ARMH3: variants seen among roughly 807,000 people sequenced by gnomAD.
ARMH3 encodes armadillo-like helical domain-containing protein 3.
ARMH3 carries 60 observed loss-of-function variants against 99.1 expected under a neutral mutation model. The ratio of observed to expected loss-of-function variants is 0.61; its 90% confidence interval spans 0.49 to 0.75. ARMH3 has a LOEUF of 0.75. ARMH3 is among the 30% of genes least tolerant of loss of function. The pLI, the probability that ARMH3 is intolerant of heterozygous loss-of-function variation, is 0.00. For synonymous variants in ARMH3, 285 were observed against 292.8 expected (o/e 0.97, Z 0.27); for missense variants, 679 against 843.1 (o/e 0.81, Z 2.41).
At chr10:101,989,310 G>A (rs1321885914) in intron 19 of ARMH3, among the ~76,000 whole-genome samples, 1 of 152,140 alleles carries the variant, frequency 6.6e-6, no homozygotes, top group Non-Finnish European at 1.5e-5. Flanking sequence ...TGAGGTGGGA[G>A]GACTGCTTGA....
intron 19 of ARMH3, among the ~76,000 whole-genome samples, chr10:101,984,320 T>G (rs1846362662): frequency 6.6e-6 from 1 of 152,250 alleles, no homozygotes; most frequent in South Asian, 2.1e-4. Context: ...CACTTAATGA[T>G]GCCCTTGTTT....
chr10:102,019,101 T>G (rs1483067802), intron 8 of ARMH3, among the ~76,000 whole-genome samples: 1 of 152,054 alleles, frequency 6.6e-6, no homozygotes. Flanking sequence ...CAGGCTGGAG[T>G]GTAGTGGTGC....
At chr10:101,934,477 C>A (rs1343963438) in intron 23 of ARMH3, among the ~76,000 whole-genome samples, 1 of 152,194 alleles carries the variant, frequency 6.6e-6, no homozygotes, top group South Asian at 2.1e-4. Context: ...ATAACAATAT[C>A]TGAAAAGTCA....
intron 1 of ARMH3, among the ~76,000 whole-genome samples, chr10:102,053,449 C>G (rs1386742752): frequency 6.6e-6 from 1 of 151,932 alleles, no homozygotes; most frequent in East Asian, 1.9e-4. Context: ...TGAGCCAGCT[C>G]GTCTCAAACT....
intron 24 of ARMH3, among the ~76,000 whole-genome samples, chr10:101,859,326 G>A (rs902589777): frequency 2.0e-5 from 3 of 152,212 alleles, no homozygotes; most frequent in African/African-American, 4.8e-5. Context: ...CTACACAAGT[G>A]TAGCAGGGCC....
intron 24 of ARMH3, among the ~76,000 whole-genome samples, chr10:101,883,546 T>G (rs1355721957): frequency 1.3e-5 from 2 of 152,144 alleles, no homozygotes; most frequent in African/African-American, 4.8e-5. Flanking sequence ...GTAGTAGCAT[T>G]GCCTCATCAA....
chr10:101,866,692 G>T (rs1433527554), intron 24 of ARMH3, among the ~76,000 whole-genome samples: 3 of 152,148 alleles, frequency 2.0e-5, no homozygotes, highest in Non-Finnish European at 4.4e-5. Context: ...GTCATTATAT[G>T]ACAACTTAAA....
At chr10:102,003,146 G>A (rs996525901) in intron 14 of ARMH3, among the ~76,000 whole-genome samples, 3 of 151,752 alleles carry the variant, frequency 2.0e-5, no homozygotes, top group African/African-American at 4.8e-5. Flanking sequence ...TAATGACCAG[G>A]GCTGACCACA....
chr10:101,927,966 C>G (rs1843574017), intron 23 of ARMH3, among the ~76,000 whole-genome samples: 1 of 152,088 alleles, frequency 6.6e-6, no homozygotes, highest in Admixed American at 6.5e-5. Context: ...CTCAGCTACT[C>G]AGGAGGCTGA....
chr10:101,977,016 T>C (rs1846043145), intron 19 of ARMH3, among the ~76,000 whole-genome samples: 1 of 152,164 alleles, frequency 6.6e-6, no homozygotes, highest in South Asian at 2.1e-4. Flanking sequence ...AACTGTAAAA[T>C]TTAAATTCTA....
intron 1 of ARMH3, among the ~76,000 whole-genome samples, chr10:102,047,603 C>T (rs2067588164): frequency 6.6e-6 from 1 of 151,968 alleles, no homozygotes; most frequent in Admixed American, 6.6e-5. Flanking sequence ...CCTTCCACCT[C>T]AGCCTCCCAA....
intron 8 of ARMH3, among the ~76,000 whole-genome samples, chr10:102,021,838 G>A (rs982357307): frequency 3.3e-5 from 5 of 152,002 alleles, no homozygotes; most frequent in African/African-American, 7.3e-5. Context: ...AAGCCATCGC[G>A]CCCGGCCAAC....
Position 102,002,005 on chromosome 10 carries a change from T to C in ARMH3, c.1116A>G (p.Leu372=), listed in dbSNP as rs531517240. 26 of 1,614,186 alleles carry C rather than the reference T, an allele frequency of 1.6e-5. No homozygotes were observed. In the East Asian group the frequency reaches 3.3e-4, roughly 21 times the overall value. The change falls in exon 15 of 26, where the codon TTA becomes TTG. Residue 372 remains leucine, a synonymous_variant. Coordinates refer to ENST00000370033, the MANE Select transcript of ARMH3 (RefSeq NM_024541.3). ...VQTSNLLITF[L]KYSSIVMQDT... is the part of the protein sequence containing the mutation. ...CCTGCATGACAATTGAGCTATACTT[T>C]AAAAAGGTTATCAGTAGATTACTGG...
intron 20 of ARMH3, among the ~76,000 whole-genome samples, chr10:101,964,216 G>A (rs1471603712): frequency 6.6e-6 from 1 of 152,012 alleles, no homozygotes; most frequent in Non-Finnish European, 1.5e-5. Flanking sequence ...CGCCACGTTG[G>A]CCAGGCTGGT....
rs1032050796 is a variant in ARMH3, at chr10:102,040,227, A to C, written c.-11-102T>G. 5 of 937,346 alleles carry C rather than the reference A, an allele frequency of 5.3e-6. No individual in the cohort carries two copies. In the African/African-American group the frequency reaches 6.5e-5, roughly 12 times the overall value. The allele number at this position is 937,346 out of a possible 1,614,324, so 58.1% of individuals were successfully genotyped here. On this transcript the variant is annotated intron_variant, in intron 1 of 25. Coordinates refer to ENST00000370033, the MANE Select transcript of ARMH3 (RefSeq NM_024541.3). ...TTTGTCCAAGCCCATAGAATATACA[A>C]CACCAAGAGTGAATCCTAATGTAAA... is the stretch of plus-strand genomic sequence containing the variant.
Position 101,957,710 on chromosome 10 carries a change from G to C in ARMH3, c.1518C>G (p.Phe506Leu). The C allele has an allele frequency of 1.9e-6, 3 of 1,580,746 alleles. No homozygotes were observed. Among genetic ancestry groups the C allele is most frequent in the Non-Finnish European group, 2.6e-6 (3 of 1,169,468 alleles). Residue 506 changes from phenylalanine to leucine, a missense_variant, in exon 21 of 26, where the codon TTC becomes TTG. Around this residue, in one of 3 missense-constraint regions of ARMH3, gnomAD observed 389 missense variants for 456.5 expected, o/e 0.85. Coordinates refer to ENST00000370033, the MANE Select transcript of ARMH3 (RefSeq NM_024541.3). The part of the protein sequence containing the change: ...LWSALINLLK[F>L]LMSNETVLLA... ...AAAGTACAGTCTCATTTGACATAAG[G>C]AACTTCAGCAAATTTATCAAGGCTT...
chr10:101,982,403 T>C (rs1846276685), intron 19 of ARMH3, among the ~76,000 whole-genome samples: 1 of 152,092 alleles, frequency 6.6e-6, no homozygotes, highest in African/African-American at 2.4e-5. Flanking sequence ...AAAAAACATG[T>C]ATTTTACAAA....
chr10:101,918,297 G>A (rs1251247681), intron 23 of ARMH3, among the ~76,000 whole-genome samples: 4 of 152,102 alleles, frequency 2.6e-5, no homozygotes, highest in East Asian at 3.8e-4. Flanking sequence ...CAAGTGATCC[G>A]CTGCCCTCGG....
rs768572886 is a variant in ARMH3, at chr10:102,009,453, A to C, written c.879-4T>G. ...CAGAAGAATGGCCTCATTGGTTCTA[A>C]AGAAAAAGAGAACAAATTGGAGCAG... On this transcript the variant is annotated splice_polypyrimidine_tract_variant and splice_region_variant and intron_variant, in intron 12 of 25. Transcript: ENST00000370033. The C allele has an allele frequency of 3.7e-6, 6 of 1,612,830 alleles. No homozygotes were observed. Among genetic ancestry groups the C allele is most frequent in the Middle Eastern group, 1.6e-4 (1 of 6,062 alleles).
Sources: allele counts gnomAD v4.1 joint callset (sites outside exome capture counted in the v4.1 genomes callset), GRCh38; gene constraint gnomAD v4.1.1; regional missense constraint gnomAD v4.1.1; transcripts MANE v1.5; gene names NCBI Gene and HGNC (gene_info 2026-07-23, HGNC 2026-07-21).